Variants in PWWP2A observed in about 807,000 individuals in gnomAD.
The protein encoded by PWWP2A is PWWP domain containing 2A.
PWWP2A carries 18 observed loss-of-function variants against 48.5 expected under a neutral mutation model. That is an observed-to-expected ratio of 0.37 (90% CI 0.26 to 0.55). PWWP2A has a LOEUF of 0.55. Ranked by LOEUF, PWWP2A falls within the 20% of genes least tolerant of loss-of-function variation. The pLI is 0.81. For missense variants in PWWP2A, 867 were observed against 976.4 expected (o/e 0.89, Z 1.49); for synonymous variants, 396 against 387.7 (o/e 1.02, Z -0.25).
chr5:160,089,589 T>C, downstream of PWWP2A: 1 of 1,288,798 alleles, frequency 7.8e-7, no homozygotes, highest in Non-Finnish European at 1.0e-6. Context: ...AAATGATTAG[T>C]CAGCTTCCTG....
exon 4 of PWWP2A, chr5:160,076,687 A>T (rs1358420750): frequency 6.6e-6 from 1 of 152,172 alleles, no homozygotes; most frequent in African/African-American, 2.4e-5. Context: ...AGGTATATTA[A>T]ATGTTTTAAA....
chr5:160,096,202 C>G (rs965523193), intron 1 of PWWP2A, among the ~76,000 whole-genome samples: 1 of 151,676 alleles, frequency 6.6e-6, no homozygotes, highest in Non-Finnish European at 1.5e-5. Context: ...CAAATACTTA[C>G]AAAACATAAA....
the PWWP2A span, among the ~76,000 whole-genome samples, chr5:160,048,162 T>G: frequency 2.1e-3 from 174 of 83,712 alleles, 1 homozygote; most frequent in Middle Eastern, 0.019. Flanking sequence ...TTTTTTTTTT[T>G]GGGACAGAGT....
Position 160,119,426 on chromosome 5 carries a change from A to G in PWWP2A, c.-38T>C, listed in dbSNP as rs1029686514. ...TTCTCCCTCCTCCAACTCCGGCTGC[A>G]GCGGCGGCGGCGACAGCGCTGCTTG... On this transcript the variant is annotated 5_prime_UTR_variant, in exon 1 of 2. Transcript: ENST00000307063. 6 of 1,347,816 alleles carry G rather than the reference A, an allele frequency of 4.5e-6. No individual in the cohort carries two copies. In the African/African-American group the frequency reaches 6.2e-5, roughly 14 times the overall value. 83.5% of individuals were successfully genotyped at this position (1,347,816 alleles called of 1,614,324 possible).
At chr5:160,051,281 C>A in the PWWP2A span, 1 of 944,024 alleles carries the variant, frequency 1.1e-6, no homozygotes, top group Non-Finnish European at 1.6e-6. Context: ...TAGAAAGTTT[C>A]GGACTCTACC....
rs368598091 is a variant in PWWP2A at position 160,091,376 on chromosome 5, GTTT to G, written c.*1003_*1005del. The G allele has an allele frequency of 8.0e-4, 703 of 875,310 alleles. No individual in the cohort carries two copies. Among genetic ancestry groups the G allele is most frequent in the South Asian group, 9.6e-4 (18 of 18,842 alleles). The allele number at this position is 875,310 out of a possible 1,614,324, so 54.2% of individuals were successfully genotyped here. A position where few individuals can be genotyped will look rare whatever the true frequency, so the allele number is the denominator to read the frequency against. On this transcript the variant is annotated 3_prime_UTR_variant, in exon 2 of 2. Coordinates refer to ENST00000307063, the MANE Select transcript of PWWP2A (RefSeq NM_001130864.2). ...TGATTTTATTTACAGCTTTTTTTTG[GTTT>G]TTTTTTTTTTTTTTACATTTCAGAG...
chr5:160,045,843 A>G, the PWWP2A span, among the ~76,000 whole-genome samples: 1 of 151,930 alleles, frequency 6.6e-6, no homozygotes, highest in African/African-American at 2.4e-5. Context: ...CCCAGGTTCA[A>G]GCGACTCTTC....
chr5:160,059,207 T>TAA (rs1757630752), downstream of PWWP2A, among the ~76,000 whole-genome samples: 1 of 152,182 alleles, frequency 6.6e-6, no homozygotes, highest in South Asian at 2.1e-4. Flanking sequence ...TCATCTACAC[T>TAA]AAAAACATGC....
At chr5:160,045,530 TC>T in the PWWP2A span, among the ~76,000 whole-genome samples, 1 of 133,940 alleles carries the variant, frequency 7.5e-6, no homozygotes. Flanking sequence ...ACTCTCTCTC[TC>T]TCTCTCTCTC....
intron 3 of PWWP2A, among the ~76,000 whole-genome samples, chr5:160,079,261 C>T (rs1754061001): frequency 6.6e-6 from 1 of 151,926 alleles, no homozygotes. Flanking sequence ...ACAGAACTGA[C>T]TTGATTTTGT....
In PWWP2A at chr5:160,091,545, T is replaced by A. The variant is rs552269989; in HGVS notation, c.*837A>T. ...ACAATTAATTCACAAAGTATAATTTTACTGGGACATATCCTAAGAATTTAG... is the reference window on the plus strand; with the variant it reads ...ACAATTAATTCACAAAGTATAATTTAACTGGGACATATCCTAAGAATTTAG... On this transcript the variant is annotated 3_prime_UTR_variant, in exon 2 of 2. Transcript: ENST00000307063. The A allele has an allele frequency of 1.6e-4, 154 of 984,630 alleles. No homozygotes were observed. The highest frequency in any genetic ancestry group is 1.6e-4 in the Non-Finnish European group (135 of 829,348). 61.0% of individuals were successfully genotyped at this position (984,630 alleles called of 1,614,324 possible).
intron 4 of PWWP2A, among the ~76,000 whole-genome samples, chr5:160,064,188 C>T (rs1044500763): frequency 1.3e-5 from 2 of 151,756 alleles, no homozygotes; most frequent in African/African-American, 2.4e-5. Context: ...AGGCTGGTCT[C>T]GAACTCCTGA....
At position 160,077,940 on chromosome 5, in the gene PWWP2A, T is replaced by A. The variant is rs1753969353; in HGVS notation, c.*215A>T. 1 of 496,092 alleles carries A rather than the reference T, an allele frequency of 2.0e-6. No homozygotes were observed. Among genetic ancestry groups the A allele is most frequent in the African/African-American group, 1.9e-5 (1 of 52,176 alleles). The allele number at this position is 496,092 out of a possible 1,614,324, so 30.7% of individuals were successfully genotyped here. ...TTTTCTCCTCATCTCATGCATAATT[T>A]ATTGCAAGTTTATTTTTTATAAAAT... On this transcript the variant is annotated 3_prime_UTR_variant, in exon 4 of 4. Coordinates refer to the PWWP2A transcript ENST00000456329. This position sits in a 1 kb window ranked among gnomAD's most constrained non-coding sequence, Gnocchi z 4.2.
the PWWP2A span, chr5:160,049,583 A>T: frequency 6.2e-7 from 1 of 1,612,434 alleles, no homozygotes; most frequent in Non-Finnish European, 8.5e-7. Flanking sequence ...AAGACGGACA[A>T]GCTAGATGAA....
At chr5:160,100,801 G>C (rs10035504) in intron 1 of PWWP2A, among the ~76,000 whole-genome samples, 1 of 152,124 alleles carries the variant, frequency 6.6e-6, no homozygotes, top group Admixed American at 6.5e-5. Flanking sequence ...GAGAAAAAAT[G>C]AAATAGCTAA....
chr5:160,055,508 A>G, the PWWP2A span, among the ~76,000 whole-genome samples: 1 of 152,236 alleles, frequency 6.6e-6, no homozygotes, highest in Non-Finnish European at 1.5e-5. Context: ...AACCTTTTGG[A>G]GCTGCATCTC....
At chr5:160,079,091 A>C (rs1754049039) in intron 3 of PWWP2A, among the ~76,000 whole-genome samples, 1 of 152,176 alleles carries the variant, frequency 6.6e-6, no homozygotes, top group South Asian at 2.1e-4. Flanking sequence ...CGTGGAAAGA[A>C]AGATGAATTT....
the PWWP2A span, among the ~76,000 whole-genome samples, chr5:160,054,195 G>A: frequency 6.6e-6 from 1 of 152,188 alleles, no homozygotes; most frequent in Non-Finnish European, 1.5e-5. Flanking sequence ...ATAGTGTGAT[G>A]AGATGGAAAT....
intron 3 of PWWP2A, among the ~76,000 whole-genome samples, chr5:160,079,193 G>A (rs746456026): frequency 1.8e-4 from 27 of 151,974 alleles, no homozygotes; most frequent in African/African-American, 5.1e-4. Flanking sequence ...AAACCACTCC[G>A]TCCTTCCCAT....
Sources: gnomAD v4.1 joint callset for allele counts (sites outside exome capture counted in the v4.1 genomes callset) on GRCh38, gnomAD v4.1.1 for gene constraint, Gnocchi (gnomAD v3.1) non-coding constraint, MANE v1.5 for transcripts, NCBI Gene and HGNC (gene_info 2026-07-23, HGNC 2026-07-21) for gene names.